Variants in ARHGAP18 observed in about 807,000 individuals in gnomAD.
ARHGAP18 encodes rho GTPase-activating protein 18.
ARHGAP18 carries 67 observed loss-of-function variants against 86.2 expected under a neutral mutation model. The observed-to-expected ratio is 0.78, with a 90% CI of 0.64 to 0.95. ARHGAP18 has a LOEUF of 0.95. Ranked by LOEUF, ARHGAP18 falls within the 40% of genes least tolerant of loss-of-function variation. ARHGAP18 has a pLI of 0.00. For synonymous variants in ARHGAP18, 283 were observed against 280.4 expected, an observed-to-expected ratio of 1.01 and a Z score of -0.09; for missense variants, 691 against 780.4, an observed-to-expected ratio of 0.89 and a Z score of 1.37.
chr6:129,693,107 C>A (rs1774555128), intron 1 of ARHGAP18, among the ~76,000 whole-genome samples: 1 of 152,154 alleles, frequency 6.6e-6, no homozygotes, highest in African/African-American at 2.4e-5. Flanking sequence ...AAGAGCTGTT[C>A]ATCGGTAACT....
intron 10 of ARHGAP18, 75 bp downstream of exon 10, chr6:129,605,802 T>C (rs979647046): frequency 1.5e-6 from 2 of 1,333,138 alleles, no homozygotes; most frequent in African/African-American, 2.9e-5. Flanking sequence ...ACACATCTTA[T>C]TGTTTTGCCA....
intron 1 of ARHGAP18, among the ~76,000 whole-genome samples, chr6:129,687,147 A>G (rs2114543280): frequency 6.6e-6 from 1 of 151,946 alleles, no homozygotes; most frequent in Middle Eastern, 3.4e-3. Context: ...TTGCAAGCAC[A>G]GTTTCATCCC....
At chr6:129,655,042 C>T (rs866768974) in intron 1 of ARHGAP18, among the ~76,000 whole-genome samples, 8 of 152,064 alleles carry the variant, frequency 5.3e-5, no homozygotes, top group African/African-American at 1.2e-4. Context: ...GAGGCTCGGC[C>T]GGGTGCGGTG....
chr6:129,662,006 C>CAGGGGCTT, intron 1 of ARHGAP18: 3 of 844,410 alleles, frequency 3.6e-6, no homozygotes, highest in Non-Finnish European at 4.3e-6. Flanking sequence ...CACAAAGCCC[C>CAGGGGCTT]TGAAACCAAG....
chr6:129,698,751 A>G (rs1333125108), intron 1 of ARHGAP18, among the ~76,000 whole-genome samples: 1 of 145,526 alleles, frequency 6.9e-6, no homozygotes, highest in Non-Finnish European at 1.5e-5. Flanking sequence ...CTGGAGTGCA[A>G]TGGCAATCTC....
chr6:129,677,685 C>T (rs1774260029), intron 1 of ARHGAP18, among the ~76,000 whole-genome samples: 1 of 152,220 alleles, frequency 6.6e-6, no homozygotes, highest in Non-Finnish European at 1.5e-5. Context: ...CGTAAAATAA[C>T]AATGGCTACA....
chr6:129,696,189 A>T (rs1278624089), intron 1 of ARHGAP18, among the ~76,000 whole-genome samples: 1 of 152,240 alleles, frequency 6.6e-6, no homozygotes, highest in Non-Finnish European at 1.5e-5. Flanking sequence ...ACTCTAAAAT[A>T]CTGCATCTGT....
At chr6:129,706,967 C>T (rs1774811933) in intron 1 of ARHGAP18, among the ~76,000 whole-genome samples, 1 of 151,444 alleles carries the variant, frequency 6.6e-6, no homozygotes, top group African/African-American at 2.4e-5. Flanking sequence ...TGGCTCATGC[C>T]TGTAATCCCA....
At chr6:129,579,878 T>G (rs1009793894) in intron 14 of ARHGAP18, among the ~76,000 whole-genome samples, 192 bp downstream of exon 14, 3 of 152,186 alleles carry the variant, frequency 2.0e-5, no homozygotes, top group African/African-American at 7.2e-5. Context: ...TAGATGGGCA[T>G]TTGTACAGGC....
intron 1 of ARHGAP18, among the ~76,000 whole-genome samples, chr6:129,663,550 C>G (rs1413277613): frequency 6.6e-6 from 1 of 152,094 alleles, no homozygotes; most frequent in East Asian, 1.9e-4. Context: ...TAGTTAATAG[C>G]TGCACCAAAC....
chr6:129,599,391 A>T, intron 11 of ARHGAP18, 35 bp from the exon 12 acceptor site: 1 of 1,418,486 alleles, frequency 7.0e-7, no homozygotes, highest in Non-Finnish European at 9.3e-7. Context: ...AGAGAGGAAA[A>T]AGAAATGCCA....
intron 10 of ARHGAP18, among the ~76,000 whole-genome samples, chr6:129,603,509 C>G (rs1302479322): frequency 2.0e-5 from 3 of 152,110 alleles, no homozygotes; most frequent in African/African-American, 7.2e-5. Context: ...GGTTTGAGTA[C>G]CAGCACAATT....
At chr6:129,608,677 C>CT (rs1375395240) in intron 8 of ARHGAP18, among the ~76,000 whole-genome samples, 10 of 152,294 alleles carry the variant, frequency 6.6e-5, no homozygotes, top group Admixed American at 2.0e-4. Context: ...CCTCAGAACT[C>CT]TACAAAATTT....
chr6:129,687,069 A>C (rs2326860), intron 1 of ARHGAP18, among the ~76,000 whole-genome samples: 73,818 of 148,322 alleles, frequency 0.5, 18,430 homozygotes, highest in Admixed American at 0.57. Flanking sequence ...GGTTATTCAC[A>C]CAACTCAGCC....
chr6:129,701,031 C>G, intron 1 of ARHGAP18, among the ~76,000 whole-genome samples: 1 of 150,798 alleles, frequency 6.6e-6, no homozygotes, highest in Non-Finnish European at 1.5e-5. Flanking sequence ...AAAGTTCTCA[C>G]CCTCAATGAA....
intron 1 of ARHGAP18, among the ~76,000 whole-genome samples, chr6:129,651,435 CAAAT>C (rs1454477547): frequency 1.3e-5 from 2 of 152,040 alleles, no homozygotes; most frequent in African/African-American, 2.4e-5. Flanking sequence ...ATCTTTAAAA[CAAAT>C]AAATATTTAC....
chr6:129,685,029 C>T lies in ARHGAP18; in HGVS notation c.113+24995G>A, dbSNP rs1316541231. On this transcript the variant is annotated intron_variant, in intron 1 of 14. Coordinates refer to ENST00000368149, the MANE Select transcript of ARHGAP18 (RefSeq NM_033515.3). ...ACGTCATTACTGCTTTCTCAGACTCCGGCGGTGGACACTGGACACAGCGTA... is the reference window on the plus strand; with the variant it reads ...ACGTCATTACTGCTTTCTCAGACTCTGGCGGTGGACACTGGACACAGCGTA... Among the ~76,000 whole-genome samples the T allele has an allele frequency of 3.3e-5, 5 of 152,254 alleles. No individual in the cohort carries two copies. In the South Asian group the frequency reaches 8.3e-4, roughly 25 times the overall value.
intron 1 of ARHGAP18, among the ~76,000 whole-genome samples, chr6:129,702,856 C>G (rs954655488): frequency 6.6e-6 from 1 of 152,170 alleles, no homozygotes; most frequent in Non-Finnish European, 1.5e-5. Context: ...AAAAATTAGA[C>G]GGGTGTGGTG....
Position 129,605,921 on chromosome 6 carries a change from G to C in ARHGAP18, c.1321C>G (p.Leu441Val). The C allele has an allele frequency of 6.2e-7, 1 of 1,613,590 alleles. No individual in the cohort carries two copies. Among genetic ancestry groups the C allele is most frequent in the Non-Finnish European group, 8.5e-7 (1 of 1,179,618 alleles). Residue 441 changes from leucine to valine, a missense_variant, in exon 10 of 15, where the codon CTT (leucine) becomes GTT (valine). By Grantham distance (32) the Leu-to-Val change is conservative. Transcript: ENST00000368149. Reference sequence around the variant, plus strand: ...GCATCAGGTAGGAGGATGACAAGAAGGTTCAAAGCCTGTAGTTGCTGCTTC... The same window carrying C: ...GCATCAGGTAGGAGGATGACAAGAACGTTCAAAGCCTGTAGTTGCTGCTTC... ...TKKQQLQALN[L>V]LVILLPDANR...
Sources: allele counts gnomAD v4.1 joint callset (sites outside exome capture counted in the v4.1 genomes callset), GRCh38; gene constraint gnomAD v4.1.1; transcripts MANE v1.5; gene names NCBI Gene and HGNC (gene_info 2026-07-23, HGNC 2026-07-21).